MAGI1: variants seen among roughly 807,000 people sequenced by gnomAD.
MAGI1 encodes the protein membrane associated guanylate kinase, WW and PDZ domain containing 1.
A neutral mutation model predicts 139.9 loss-of-function variants in MAGI1; 58 were observed. That is an observed-to-expected ratio of 0.41 (90% CI 0.34 to 0.52). The LOEUF (loss-of-function observed/expected upper bound fraction) is 0.52, where lower values mean the gene tolerates loss of function less well. Ranked by LOEUF, MAGI1 falls within the 20% of genes least tolerant of loss-of-function variation. MAGI1 has a pLI of 0.12. For synonymous variants in MAGI1, 812 were observed against 737.9 expected (o/e 1.10, Z -1.63); for missense variants, 1,874 against 1,901.6 (o/e 0.99, Z 0.27).
intron 1 of MAGI1, among the ~76,000 whole-genome samples, chr3:65,720,614 T>C (rs187281941): frequency 1.3e-5 from 2 of 152,268 alleles, no homozygotes; most frequent in African/African-American, 2.4e-5. Context: ...CTCAGGACCT[T>C]ATACATCCCC....
intron 1 of MAGI1, among the ~76,000 whole-genome samples, chr3:65,811,694 A>C (rs72896028): frequency 0.046 from 6,694 of 144,296 alleles, 410 homozygotes; most frequent in African/African-American, 0.14. Flanking sequence ...ATACACAAAC[A>C]AAAAAAAAAA....
chr3:65,866,695 T>G (rs1334329840), intron 1 of MAGI1, among the ~76,000 whole-genome samples: 1 of 152,094 alleles, frequency 6.6e-6, no homozygotes, highest in Non-Finnish European at 1.5e-5. Flanking sequence ...TTTCTTACAT[T>G]CTCTGTCACC....
At chr3:65,547,240 G>A (rs1393864967) in intron 2 of MAGI1, among the ~76,000 whole-genome samples, 1 of 152,154 alleles carries the variant, frequency 6.6e-6, no homozygotes, top group Non-Finnish European at 1.5e-5. Context: ...CTCTTACAGT[G>A]GCTTAGATAC....
At position 65,478,676 on chromosome 3, in the gene MAGI1, A is replaced by G. The variant is rs776802575; in HGVS notation, c.673T>C (p.Tyr225His). Residue 225 changes from tyrosine to histidine, a missense_variant, in exon 4 of 23, where the codon TAC (tyrosine) becomes CAC (histidine). By Grantham distance (83) the Tyr-to-His change is moderately conservative. Around this residue, in one of 5 missense-constraint regions of MAGI1, gnomAD observed 648 missense variants for 598.1 expected, o/e 1.08. Coordinates refer to ENST00000402939, the MANE Select transcript of MAGI1 (RefSeq NM_001033057.2). Reference sequence around the variant, plus strand: ...ATGCCAGCATTTTGCATATCATTGTAGGACTTGGTTCGCTTCGGGGTCGAC... The same window carrying G: ...ATGCCAGCATTTTGCATATCATTGTGGGACTTGGTTCGCTTCGGGGTCGAC... ...KQSTPKRTKS[Y>H]NDMQNAGIVH... is the part of the protein sequence containing the mutation. 1 of 1,614,016 alleles carries G rather than the reference A, an allele frequency of 6.2e-7. No homozygotes were observed. Among genetic ancestry groups the G allele is most frequent in the South Asian group, 1.1e-5 (1 of 91,074 alleles).
chr3:65,666,721 A>C (rs1414443141), intron 1 of MAGI1, among the ~76,000 whole-genome samples: 1 of 152,192 alleles, frequency 6.6e-6, no homozygotes, highest in Non-Finnish European at 1.5e-5. Flanking sequence ...CCATAGAAAA[A>C]GATGAAACAA....
intron 1 of MAGI1, among the ~76,000 whole-genome samples, chr3:66,029,720 G>A (rs1003721805): frequency 1.3e-5 from 2 of 152,182 alleles, no homozygotes; most frequent in African/African-American, 4.8e-5. Flanking sequence ...GCACCTCCCA[G>A]ATAAGCCCTG....
chr3:65,678,624 A>G (rs2087355987), intron 1 of MAGI1, among the ~76,000 whole-genome samples: 1 of 152,170 alleles, frequency 6.6e-6, no homozygotes. Context: ...AAGCATACTC[A>G]TATCTGGTTA....
At chr3:65,926,366 T>TCTCTCTCC (rs1553731255) in intron 1 of MAGI1, among the ~76,000 whole-genome samples, 2 of 149,990 alleles carry the variant, frequency 1.3e-5, no homozygotes, top group Non-Finnish European at 3.0e-5. Flanking sequence ...TCTCTCTCTC[T>TCTCTCTCC]CTCCCTCTTT....
intron 18 of MAGI1, among the ~76,000 whole-genome samples, chr3:65,370,784 T>C (rs945227416): frequency 2.0e-5 from 3 of 152,164 alleles, no homozygotes; most frequent in Admixed American, 1.3e-4. Context: ...TTGCCCCAAA[T>C]AGTTGGACTA....
rs937229672 is a variant in MAGI1, at chr3:65,640,074, G to A, written c.314-17986C>T. ...GTGTTCAGACTAGAACTGAAACATG[G>A]GCTCTTCTTGGGTTCAGGTCCACCA... On this transcript the variant is annotated intron_variant, in intron 1 of 22. Transcript: ENST00000402939. Among the ~76,000 whole-genome samples the A allele has an allele frequency of 5.3e-5, 8 of 152,022 alleles. 1 individual carries two copies. The East Asian group carries it at 1.5e-3, about 29-fold the overall frequency.
At chr3:65,500,054 T>C (rs760629979) in intron 2 of MAGI1, among the ~76,000 whole-genome samples, 10 of 152,204 alleles carry the variant, frequency 6.6e-5, no homozygotes, top group South Asian at 2.1e-4. Flanking sequence ...AAACGACTTA[T>C]AGACTCCAGC....
At chr3:65,548,509 C>CTTTTTTTTTTTTTTTTTTTT (rs1306099660) in intron 2 of MAGI1, among the ~76,000 whole-genome samples, 4 of 117,368 alleles carry the variant, frequency 3.4e-5, no homozygotes, top group African/African-American at 3.5e-5. Context: ...GCAAACAACA[C>CTTTTTTTTTTTTTTTTTTTT]TCTTTTTTTT....
chr3:65,462,888 T>C (rs951522455), intron 5 of MAGI1, among the ~76,000 whole-genome samples: 1 of 152,234 alleles, frequency 6.6e-6, no homozygotes, highest in Non-Finnish European at 1.5e-5. Flanking sequence ...CCATTGTGAA[T>C]GGGAGTTCAC....
At chr3:65,790,551 C>T (rs2039689371) in intron 1 of MAGI1, among the ~76,000 whole-genome samples, 1 of 152,104 alleles carries the variant, frequency 6.6e-6, no homozygotes, top group Non-Finnish European at 1.5e-5. Context: ...AGGCAGAAGA[C>T]AAAAAGACGG....
intron 5 of MAGI1, among the ~76,000 whole-genome samples, chr3:65,465,615 G>A (rs1489324357): frequency 6.6e-6 from 1 of 151,950 alleles, no homozygotes; most frequent in Non-Finnish European, 1.5e-5. Flanking sequence ...CATTTTACTT[G>A]TTTCACTAAC....
intron 1 of MAGI1, among the ~76,000 whole-genome samples, chr3:65,726,658 C>G (rs9873245): frequency 0.3 from 45,895 of 151,926 alleles, 7,487 homozygotes; most frequent in African/African-American, 0.38. Context: ...TGTAATTTCT[C>G]TAGGACACCA....
chr3:65,489,594 CATAG>C (rs1287797832), intron 3 of MAGI1, among the ~76,000 whole-genome samples: 1 of 151,952 alleles, frequency 6.6e-6, no homozygotes, highest in Non-Finnish European at 1.5e-5. Flanking sequence ...CAGATAGATA[CATAG>C]ATAGATGTAG....
intron 1 of MAGI1, among the ~76,000 whole-genome samples, chr3:65,681,541 T>G (rs1196977655): frequency 6.6e-6 from 1 of 152,250 alleles, no homozygotes; most frequent in Non-Finnish European, 1.5e-5. Flanking sequence ...CACTATCATT[T>G]TGCTGTCACA....
chr3:65,599,692 A>G (rs2082390663), intron 2 of MAGI1, among the ~76,000 whole-genome samples: 1 of 152,216 alleles, frequency 6.6e-6, no homozygotes, highest in African/African-American at 2.4e-5. Context: ...TGCTACTATT[A>G]TGATTGTTTC....
Sources: allele counts gnomAD v4.1 joint callset (sites outside exome capture counted in the v4.1 genomes callset), GRCh38; gene constraint gnomAD v4.1.1; regional missense constraint gnomAD v4.1.1; transcripts MANE v1.5; gene names NCBI Gene and HGNC (gene_info 2026-07-23, HGNC 2026-07-21).